DTNBP1: variants seen among roughly 807,000 people sequenced by gnomAD.
DTNBP1 encodes the protein dystrobrevin binding protein 1.
Under a neutral mutation model 42.8 loss-of-function variants are expected in DTNBP1, and 35 were observed. The ratio of observed to expected loss-of-function variants is 0.82; its 90% CI spans 0.63 to 1.09. The LOEUF (loss-of-function observed/expected upper bound fraction) is 1.09, where lower values mean the gene tolerates loss of function less well. DTNBP1 is among the 50% of genes least tolerant of loss of function. The pLI is 0.00. For synonymous variants in DTNBP1, 171 were observed against 162.2 expected, an observed-to-expected ratio of 1.05 and a Z score of -0.41; for missense variants, 457 against 424.2, an observed-to-expected ratio of 1.08 and a Z score of -0.68.
chr6:15,582,617 T>C (rs1775888840), intron 7 of DTNBP1, among the ~76,000 whole-genome samples: 1 of 152,214 alleles, frequency 6.6e-6, no homozygotes, highest in Non-Finnish European at 1.5e-5. Flanking sequence ...GATCACATCA[T>C]TGCAATTACT....
At chr6:15,657,670 T>A (rs892210609) in intron 1 of DTNBP1, among the ~76,000 whole-genome samples, 6 of 152,248 alleles carry the variant, frequency 3.9e-5, no homozygotes, top group African/African-American at 1.4e-4. Flanking sequence ...CTAGACAGTC[T>A]GCTACTAGAA....
chr6:15,538,467 C>T (rs1308063835), intron 7 of DTNBP1, among the ~76,000 whole-genome samples: 6 of 152,196 alleles, frequency 3.9e-5, no homozygotes, highest in Non-Finnish European at 7.3e-5. Flanking sequence ...CGCAGCTCTG[C>T]GACCCCTGAT....
intron 5 of DTNBP1, among the ~76,000 whole-genome samples, chr6:15,617,517 A>G (rs1758778564): frequency 6.6e-6 from 1 of 152,210 alleles, no homozygotes; most frequent in African/African-American, 2.4e-5. Context: ...GCTAGCATAA[A>G]AACAGACATG....
intron 9 of DTNBP1, chr6:15,523,904 G>C (rs1473393077): frequency 1.6e-6 from 2 of 1,287,180 alleles, no homozygotes; most frequent in Non-Finnish European, 2.0e-6. Flanking sequence ...ACAGATGGCT[G>C]AGGTGCTGCT....
intron 7 of DTNBP1, among the ~76,000 whole-genome samples, chr6:15,567,853 C>T (rs1422145238): frequency 6.6e-6 from 1 of 152,162 alleles, no homozygotes; most frequent in Admixed American, 6.5e-5. Context: ...TGTTAAAACT[C>T]CTGCTTCACC....
intron 1 of DTNBP1, among the ~76,000 whole-genome samples, chr6:15,654,776 A>G (rs138425415): frequency 2.6e-5 from 4 of 152,362 alleles, no homozygotes; most frequent in African/African-American, 9.6e-5. Flanking sequence ...TCTTTAACCA[A>G]ATTTAATGTG....
chr6:15,642,925 C>G (rs571090689), intron 3 of DTNBP1, among the ~76,000 whole-genome samples: 10 of 152,310 alleles, frequency 6.6e-5, no homozygotes, highest in African/African-American at 2.4e-4. Flanking sequence ...TCTGGCATCT[C>G]AAAGGATCAC....
chr6:15,540,088 C>T (rs1268154854), intron 7 of DTNBP1, among the ~76,000 whole-genome samples: 1 of 152,186 alleles, frequency 6.6e-6, no homozygotes, highest in Non-Finnish European at 1.5e-5. Context: ...AACCAGGACT[C>T]ACTATGCACT....
At chr6:15,613,151 T>TA (rs1295671245) in intron 6 of DTNBP1, among the ~76,000 whole-genome samples, 2 of 151,080 alleles carry the variant, frequency 1.3e-5, no homozygotes, top group Non-Finnish European at 3.0e-5. Context: ...CTACTAAAAA[T>TA]AAAAAAAATT....
At chr6:15,617,223 G>A (rs1758766261) in intron 5 of DTNBP1, among the ~76,000 whole-genome samples, 1 of 151,820 alleles carries the variant, frequency 6.6e-6, no homozygotes, top group East Asian at 1.9e-4. Flanking sequence ...AGAAGTTGAA[G>A]AAGACACAAA....
intron 7 of DTNBP1, among the ~76,000 whole-genome samples, chr6:15,557,668 A>G (rs1371640251): frequency 3.9e-5 from 6 of 152,158 alleles, no homozygotes; most frequent in African/African-American, 4.8e-5. Context: ...AAAGACAATG[A>G]AAGATTTTTG....
intron 6 of DTNBP1, among the ~76,000 whole-genome samples, chr6:15,597,677 T>C (rs1166238646): frequency 6.6e-6 from 1 of 152,210 alleles, no homozygotes; most frequent in Admixed American, 6.5e-5. Flanking sequence ...CATACAGGTA[T>C]CGTCTCTACA....
At chr6:15,651,209 T>C in intron 3 of DTNBP1, 104 bp downstream of exon 3, 1 of 1,035,818 alleles carries the variant, frequency 9.7e-7, no homozygotes. Context: ...TGCATTAAGA[T>C]AAAATTTAGC....
intron 3 of DTNBP1, among the ~76,000 whole-genome samples, chr6:15,643,558 T>C (rs1016999828): frequency 2.0e-5 from 3 of 151,884 alleles, no homozygotes; most frequent in African/African-American, 4.8e-5. Flanking sequence ...AAATTACCCA[T>C]AGAGGAAAAC....
At chr6:15,645,280 GTAATAA>G (rs1229201489) in intron 3 of DTNBP1, among the ~76,000 whole-genome samples, 2 of 151,416 alleles carry the variant, frequency 1.3e-5, no homozygotes, top group Admixed American at 1.3e-4. Context: ...AATTCAATCA[GTAATAA>G]TAATAATAAA....
At chr6:15,601,916 G>A (rs1002264568) in intron 6 of DTNBP1, among the ~76,000 whole-genome samples, 2 of 151,196 alleles carry the variant, frequency 1.3e-5, no homozygotes, top group Admixed American at 1.3e-4. Context: ...TTCCAGAGAG[G>A]AAGGAAAATG....
At chr6:15,524,093 C>T (rs1772158844) in intron 9 of DTNBP1, 1 of 1,329,006 alleles carries the variant, frequency 7.5e-7, no homozygotes, top group African/African-American at 1.5e-5. Context: ...AGGCCAAGAG[C>T]TGAACACACA....
chr6:15,603,894 G>A (rs2113663669), intron 6 of DTNBP1, among the ~76,000 whole-genome samples: 1 of 152,214 alleles, frequency 6.6e-6, no homozygotes, highest in South Asian at 2.1e-4. Context: ...TCCTGCCTTG[G>A]ATAGTTTCCT....
At chr6:15,563,697 T>C (rs1774940129) in intron 7 of DTNBP1, among the ~76,000 whole-genome samples, 1 of 152,180 alleles carries the variant, frequency 6.6e-6, no homozygotes, top group Non-Finnish European at 1.5e-5. Flanking sequence ...CTCTGTCCCA[T>C]GACTTCACTC....
Sources: gnomAD v4.1 joint callset for allele counts (sites outside exome capture counted in the v4.1 genomes callset) on GRCh38, gnomAD v4.1.1 for gene constraint, MANE v1.5 for transcripts, NCBI Gene and HGNC (gene_info 2026-07-23, HGNC 2026-07-21) for gene names.